ZNF780A: variants seen among roughly 807,000 people sequenced by gnomAD.
ZNF780A encodes zinc finger protein 780A.
In ZNF780A, 40 loss-of-function variants were observed where a neutral mutation model predicts 56.7. The ratio of observed to expected loss-of-function variants is 0.71; its 90% confidence interval spans 0.55 to 0.92. ZNF780A has a LOEUF of 0.92. Among genes scored for constraint, ZNF780A ranks in the 40% least tolerant of loss-of-function variants. ZNF780A has a pLI of 0.00. For synonymous variants in ZNF780A, 231 were observed against 248.3 expected (o/e 0.93, Z 0.66); for missense variants, 672 against 783.3 (o/e 0.86, Z 1.70).
intron 2 of ZNF780A, among the ~76,000 whole-genome samples, chr19:40,089,567 C>T (rs561552351): frequency 6.6e-6 from 1 of 152,078 alleles, no homozygotes; most frequent in South Asian, 2.1e-4. Context: ...CCCAGATACT[C>T]TGGATCCACT....
chr19:40,080,264 T>C (rs1974398760), intron 5 of ZNF780A, among the ~76,000 whole-genome samples: 1 of 152,160 alleles, frequency 6.6e-6, no homozygotes, highest in Non-Finnish European at 1.5e-5. Flanking sequence ...CCAAAAAATT[T>C]CAGAGAAGGG....
intron 4 of ZNF780A, 85 bp downstream of exon 4, chr19:40,083,026 T>C (rs1484243297): frequency 6.2e-7 from 1 of 1,607,302 alleles, no homozygotes; most frequent in Non-Finnish European, 8.5e-7. Flanking sequence ...AGCCACCTCT[T>C]AAAAGATAGC....
At chr19:40,083,310 G>T (rs958544897) in intron 3 of ZNF780A, 73 bp from the exon 4 acceptor site, 2 of 1,589,564 alleles carry the variant, frequency 1.3e-6, no homozygotes, top group Non-Finnish European at 1.7e-6. Context: ...AGGAAGTGAA[G>T]GAGTGTAGTG....
intron 2 of ZNF780A, among the ~76,000 whole-genome samples, chr19:40,089,655 C>G (rs1303641721): frequency 6.6e-6 from 1 of 151,912 alleles, no homozygotes; most frequent in Non-Finnish European, 1.5e-5. Flanking sequence ...CACACACACA[C>G]GCCTAAAACA....
At chr19:40,088,557 A>C (rs1177468573) in intron 2 of ZNF780A, among the ~76,000 whole-genome samples, 1 of 152,242 alleles carries the variant, frequency 6.6e-6, no homozygotes, top group Non-Finnish European at 1.5e-5. Context: ...TGAGAATGTA[A>C]ATGGGCACAG....
At chr19:40,087,209 A>T (rs1974854325) in intron 2 of ZNF780A, among the ~76,000 whole-genome samples, 1 of 152,170 alleles carries the variant, frequency 6.6e-6, no homozygotes, top group African/African-American at 2.4e-5. Flanking sequence ...GTCATTCCAG[A>T]TATCACAATC....
At chr19:40,090,804 T>A (rs951776538) in intron 1 of ZNF780A, 102 bp downstream of exon 1, 2 of 151,992 alleles carry the variant, frequency 1.3e-5, no homozygotes, top group African/African-American at 4.8e-5. Flanking sequence ...TCTGAGCGCC[T>A]CCCCCTAGGC....
In ZNF780A at chr19:40,084,816, C is replaced by T; in HGVS notation, c.-45-18G>A. The T allele has an allele frequency of 4.5e-6, 7 of 1,549,814 alleles. No individual in the cohort carries two copies. The highest frequency in any genetic ancestry group is 6.1e-6 in the Non-Finnish European group (7 of 1,147,162). On this transcript the variant is annotated intron_variant, in intron 2 of 5. Transcript: ENST00000683561. ...CTTCTCCCCTGGAAAACAACAACAA[C>T]AAAAAGGCCACAATTAAAGCTGTGT... is the stretch of plus-strand genomic sequence containing the variant.
chr19:40,074,536 T>C lies in ZNF780A; in HGVS notation c.1906A>G (p.Thr636Ala). Residue 636 changes from threonine to alanine, a missense_variant, in exon 6 of 6, where the codon ACA becomes GCA. Physicochemically the swap from Thr to Ala is moderately conservative, Grantham distance 58. Coordinates refer to ENST00000683561, the MANE Select transcript of ZNF780A (RefSeq NM_001142578.2). Reference protein sequence around the residue: ...TQLNRHKNIHTGEKAS With the variant: ...TQLNRHKNIHAGEKAS ...TACATTCAAGATGCCTTCTCACCTGTGTGAATGTTCTTATGGCGATTAAGC... is the reference window on the plus strand; with the variant it reads ...TACATTCAAGATGCCTTCTCACCTGCGTGAATGTTCTTATGGCGATTAAGC... The C allele has an allele frequency of 6.2e-7, 1 of 1,613,884 alleles. No individual in the cohort carries two copies. Among genetic ancestry groups the C allele is most frequent in the South Asian group, 1.1e-5 (1 of 91,058 alleles).
chr19:40,076,282 C>T, intron 5 of ZNF780A, 73 bp from the exon 6 acceptor site: 1 of 1,397,816 alleles, frequency 7.2e-7, no homozygotes, highest in Non-Finnish European at 9.6e-7. Context: ...CTTTTGTCAA[C>T]TGAAACCATC....
At chr19:40,072,827 T>C, downstream of ZNF780A, 3 of 1,526,938 alleles carry the variant, frequency 2.0e-6, no homozygotes, top group Non-Finnish European at 2.6e-6. Context: ...CTGTTGATTC[T>C]AATACCTACC....
intron 4 of ZNF780A, 112 bp downstream of exon 4, chr19:40,082,999 A>G: frequency 3.2e-6 from 5 of 1,552,610 alleles, no homozygotes; most frequent in East Asian, 4.5e-5. Flanking sequence ...TCCTTTGGGA[A>G]CAAGAAGAAG....
At chr19:40,085,436 A>G in intron 2 of ZNF780A, 1 of 625,842 alleles carries the variant, frequency 1.6e-6, no homozygotes, top group Non-Finnish European at 2.0e-6. Flanking sequence ...ACAAAACAGG[A>G]TAGATAATAT....
rs1440991082 is a variant in ZNF780A, at chr19:40,073,795, T to A, written c.*721A>T. On this transcript the variant is annotated 3_prime_UTR_variant, in exon 6 of 6. Transcript: ENST00000683561. ...TTTCTCATCAATATGAGCTCTCTGGTGTTGAGTAAATTTTTCGTACACAGT... is the reference window on the plus strand; with the variant it reads ...TTTCTCATCAATATGAGCTCTCTGGAGTTGAGTAAATTTTTCGTACACAGT... 1 of 988,486 alleles carries A rather than the reference T, an allele frequency of 1.0e-6. No homozygotes were observed. Among genetic ancestry groups the A allele is most frequent in the African/African-American group, 1.7e-5 (1 of 57,248 alleles). The allele number at this position is 988,486 out of a possible 1,614,324, so 61.2% of individuals were successfully genotyped here.
chr19:40,071,527 T>C (rs974342906), downstream of ZNF780A: 1 of 152,234 alleles, frequency 6.6e-6, no homozygotes, highest in Non-Finnish European at 1.5e-5. Flanking sequence ...CATTTTTGAA[T>C]AGTCTATTTC....
intron 3 of ZNF780A, 33 bp downstream of exon 3, chr19:40,084,712 T>C: frequency 1.3e-6 from 2 of 1,546,096 alleles, no homozygotes; most frequent in Non-Finnish European, 1.7e-6. Context: ...AAAGTCACCA[T>C]ATTTCAAGGA....
At chr19:40,069,461 G>C (rs980975388), downstream of ZNF780A, 1 of 152,050 alleles carries the variant, frequency 6.6e-6, no homozygotes, top group African/African-American at 2.4e-5. Flanking sequence ...CTTCCATTAG[G>C]CCCCACCTCC....
chr19:40,081,285 G>A (rs1023887583), intron 5 of ZNF780A, among the ~76,000 whole-genome samples: 1 of 151,802 alleles, frequency 6.6e-6, no homozygotes, highest in African/African-American at 2.4e-5. Flanking sequence ...GTAATCCCAG[G>A]GCTTTGGGAG....
rs765484177 is a variant in ZNF780A, at chr19:40,081,802, G to T, written c.232+17C>A. 15 of 1,601,642 alleles carry T rather than the reference G, an allele frequency of 9.4e-6. No individual in the cohort carries two copies. Among genetic ancestry groups the T allele is most frequent in the Non-Finnish European group, 1.3e-5 (15 of 1,169,652 alleles). On this transcript the variant is annotated intron_variant, in intron 5 of 5. Coordinates refer to ENST00000683561, the MANE Select transcript of ZNF780A (RefSeq NM_001142578.2). ...GGACAATGATGGCTTCCCCCCGCCT[G>T]CTTTACCCTCACTTACCTGGATACC... is the stretch of plus-strand genomic sequence containing the variant.
Sources: gnomAD v4.1 joint callset for allele counts (sites outside exome capture counted in the v4.1 genomes callset) on GRCh38, gnomAD v4.1.1 for gene constraint, MANE v1.5 for transcripts, NCBI Gene and HGNC (gene_info 2026-07-23, HGNC 2026-07-21) for gene names.